The following PKP4 variants were observed in gnomAD, a reference collection of about 807,000 sequenced individuals.
PKP4 encodes the protein plakophilin-4.
Under a neutral mutation model 145.1 loss-of-function variants are expected in PKP4, and 90 were observed. That is an observed-to-expected ratio of 0.62 (90% CI 0.52 to 0.74). The LOEUF (loss-of-function observed/expected upper bound fraction) is 0.74. Ranked by LOEUF, PKP4 falls within the 30% of genes least tolerant of loss-of-function variation. PKP4 has a pLI of 0.00. For missense variants in PKP4, 1,340 were observed against 1,482.7 expected (o/e 0.90, Z 1.58); for synonymous variants, 563 against 577.2 (o/e 0.98, Z 0.35).
intron 2 of PKP4, among the ~76,000 whole-genome samples, chr2:158,543,073 A>G (rs1010706444): frequency 6.6e-5 from 10 of 152,134 alleles, no homozygotes; most frequent in African/African-American, 2.2e-4. Flanking sequence ...TTTCATCTCA[A>G]TTTCTTTGTG....
At chr2:158,551,467 C>A (rs1574438280) in intron 2 of PKP4, among the ~76,000 whole-genome samples, 1 of 152,178 alleles carries the variant, frequency 6.6e-6, no homozygotes, top group South Asian at 2.1e-4. Flanking sequence ...AGCATTCCCC[C>A]TTCTGGTATT....
chr2:158,474,625 G>T (rs1041178510), intron 1 of PKP4, among the ~76,000 whole-genome samples: 4 of 152,170 alleles, frequency 2.6e-5, no homozygotes, highest in Non-Finnish European at 4.4e-5. Flanking sequence ...ATTTGCAATG[G>T]TTTTTCACCA....
intron 1 of PKP4, among the ~76,000 whole-genome samples, chr2:158,514,865 C>T (rs533980376): frequency 1.3e-5 from 2 of 152,216 alleles, no homozygotes; most frequent in East Asian, 3.9e-4. Flanking sequence ...TACTTAAACC[C>T]AGGAAGCAGA....
chr2:158,544,260 A>G (rs1262037387), intron 2 of PKP4, among the ~76,000 whole-genome samples: 3 of 152,296 alleles, frequency 2.0e-5, no homozygotes, highest in Admixed American at 6.5e-5. Context: ...TTGACTGCCT[A>G]TTACATAGGG....
chr2:158,567,742 C>G (rs144156958), intron 2 of PKP4, among the ~76,000 whole-genome samples: 2 of 152,286 alleles, frequency 1.3e-5, no homozygotes, highest in East Asian at 3.9e-4. Context: ...GCAGTGGAAG[C>G]AGGACCCCAC....
intron 2 of PKP4, among the ~76,000 whole-genome samples, chr2:158,571,575 ACATTT>A (rs1244868893): frequency 1.3e-5 from 2 of 152,192 alleles, no homozygotes; most frequent in African/African-American, 4.8e-5. Context: ...AGAAAGAACT[ACATTT>A]CAATTAAAGC....
At chr2:158,473,260 A>G (rs1040195300) in intron 1 of PKP4, among the ~76,000 whole-genome samples, 1 of 152,212 alleles carries the variant, frequency 6.6e-6, no homozygotes, top group African/African-American at 2.4e-5. Flanking sequence ...TGATTCCTCA[A>G]AGAGCTGAAA....
At chr2:158,673,269 A>T (rs1399952013) in intron 17 of PKP4, among the ~76,000 whole-genome samples, 1 of 152,194 alleles carries the variant, frequency 6.6e-6, no homozygotes, top group Non-Finnish European at 1.5e-5. Context: ...ATAAAGAAGG[A>T]GGGATAAAAC....
At chr2:158,548,802 G>T in intron 2 of PKP4, 1 of 255,158 alleles carries the variant, frequency 3.9e-6, no homozygotes, top group South Asian at 4.8e-5. Context: ...TGCCAGCAAA[G>T]GGAACATCCC....
chr2:158,678,789 G>A (rs2058232058), intron 21 of PKP4, 135 bp downstream of exon 21: 2 of 701,088 alleles, frequency 2.9e-6, no homozygotes, highest in South Asian at 1.6e-5. Flanking sequence ...TTCACTCCTT[G>A]GAAACTCAAC....
intron 4 of PKP4, among the ~76,000 whole-genome samples, chr2:158,604,954 GCTT>G (rs1237976891): frequency 1.3e-5 from 2 of 152,208 alleles, no homozygotes; most frequent in African/African-American, 4.8e-5. Context: ...GAAAGCTGCT[GCTT>G]CTTATTCTTG....
At chr2:158,590,169 C>G (rs1401213278) in intron 3 of PKP4, among the ~76,000 whole-genome samples, 1 of 151,976 alleles carries the variant, frequency 6.6e-6, no homozygotes, top group Non-Finnish European at 1.5e-5. Flanking sequence ...GAAAAACACT[C>G]TAAAACTGAA....
At chr2:158,540,228 A>G (rs1250338638) in intron 2 of PKP4, among the ~76,000 whole-genome samples, 1 of 152,200 alleles carries the variant, frequency 6.6e-6, no homozygotes, top group African/African-American at 2.4e-5. Context: ...GCATCATTTT[A>G]GGTTGTATTG....
chr2:158,548,020 A>G (rs1162094441), intron 2 of PKP4, among the ~76,000 whole-genome samples: 2 of 152,204 alleles, frequency 1.3e-5, no homozygotes, highest in Non-Finnish European at 2.9e-5. Context: ...TTATTTTTCT[A>G]TTGGAGAAAA....
At position 158,472,168 on chromosome 2, in the gene PKP4, A is replaced by G. The variant is rs190595376; in HGVS notation, c.-6+14950A>G. On this transcript the variant is annotated intron_variant, in intron 1 of 21. Transcript: ENST00000389759. The stretch of plus-strand genomic sequence containing the variant: ...AGAGTGGATGTTAGGGGTTCTCACC[A>G]CAAAAATGACAGCTATGTTAAGTAA... 3.7e-3 allele frequency among the ~76,000 whole-genome samples: 561 copies of G among 152,340 alleles called. 1 individual carries two copies. Among genetic ancestry groups the G allele is most frequent in the African/African-American group, 0.013 (527 of 41,580 alleles).
In PKP4 at chr2:158,625,207, A is replaced by G. The variant is rs751376469; in HGVS notation, c.933A>G (p.Arg311=). Residue 311 remains arginine (R), a synonymous_variant, in exon 7 of 22, where the codon AGA becomes AGG. Transcript: ENST00000389759. ...CCCCTCAATACCAAACCACCGCCAG[A>G]GTGGGGTCCCCACTGACCCTGACGG... The part of the protein sequence containing the change: ...GPTPQYQTTA[R]VGSPLTLTDA... 2 of 1,614,014 alleles carry G rather than the reference A, an allele frequency of 1.2e-6. No individual in the cohort carries two copies. Among genetic ancestry groups the G allele is most frequent in the East Asian group, 4.5e-5 (2 of 44,870 alleles).
intron 1 of PKP4, among the ~76,000 whole-genome samples, chr2:158,459,334 G>A (rs1689400796): frequency 6.6e-6 from 1 of 152,136 alleles, no homozygotes; most frequent in Admixed American, 6.5e-5. Context: ...CTTTGCACCT[G>A]GTTATTTTAT....
At chr2:158,488,029 A>G (rs1357545626) in intron 1 of PKP4, among the ~76,000 whole-genome samples, 1 of 152,190 alleles carries the variant, frequency 6.6e-6, no homozygotes, top group African/African-American at 2.4e-5. Context: ...GGATCAAGCT[A>G]TATTCTAGGT....
chr2:158,669,466 C>T (rs1416378580), intron 16 of PKP4: 3 of 317,216 alleles, frequency 9.5e-6, no homozygotes, highest in East Asian at 4.8e-5. Context: ...CATTGATTTA[C>T]ATTTGCTTTC....
Sources: gnomAD v4.1 joint callset for allele counts (sites outside exome capture counted in the v4.1 genomes callset) on GRCh38, gnomAD v4.1.1 for gene constraint, MANE v1.5 for transcripts, NCBI Gene and HGNC (gene_info 2026-07-23, HGNC 2026-07-21) for gene names.